Variants in RUVBL1 observed in about 807,000 individuals in gnomAD.
RUVBL1 encodes ruvB-like 1.
In RUVBL1, 4 loss-of-function variants were observed where a neutral mutation model predicts 52.4. The ratio of observed to expected loss-of-function variants is 0.08; its 90% CI spans 0.04 to 0.17. The LOEUF (loss-of-function observed/expected upper bound fraction) is 0.17, where lower values mean the gene tolerates loss of function less well. Among genes scored for constraint, RUVBL1 ranks in the 10% least tolerant of loss-of-function variants. RUVBL1 has a pLI of 1.00. For missense variants in RUVBL1, 298 were observed against 572.8 expected (o/e 0.52, Z 4.90); for synonymous variants, 217 against 214.4 (o/e 1.01, Z -0.10).
intron 9 of RUVBL1, among the ~76,000 whole-genome samples, chr3:128,073,575 G>A (rs1186195286): frequency 6.6e-6 from 1 of 152,212 alleles, no homozygotes; most frequent in Non-Finnish European, 1.5e-5. Context: ...AGAGCCAGGT[G>A]TGCCCCTAAG....
At chr3:128,068,312 G>T (rs141028245) in intron 9 of RUVBL1, among the ~76,000 whole-genome samples, 1 of 152,264 alleles carries the variant, frequency 6.6e-6, no homozygotes, top group African/African-American at 2.4e-5. Context: ...GTGGCCAGGC[G>T]GATAGGAGAC....
intron 1 of RUVBL1, chr3:128,141,740 C>CCCG (rs1379695337): frequency 5.9e-5 from 9 of 152,392 alleles, no homozygotes; most frequent in Non-Finnish European, 1.2e-4. Flanking sequence ...AGGTGATCCA[C>CCCG]CCGCCTCGGC....
At position 128,151,122 on chromosome 3, in the gene RUVBL1, A is replaced by ATATATATTCTATATATATTC. The variant is rs1436189800; in HGVS notation, c.-40+2061_-40+2080dup. 7.5e-5 allele frequency among the ~76,000 whole-genome samples: 9 copies of ATATATATTCTATATATATTC among 119,838 alleles called. No individual in the cohort carries two copies. The East Asian group carries it at 1.3e-3, about 18-fold the overall frequency. 78.6% of individuals were successfully genotyped at this position (119,838 alleles called of 152,430 possible). ...TCTATATATATTCTGTATATATTCT[A>ATATATATTCTATATATATTC]TATATATTCTATATATATTCTATAT... On this transcript the variant is annotated intron_variant, in intron 1 of 9. Transcript: ENST00000464873.
Position 128,150,764 on chromosome 3 carries a change from CTA to C in RUVBL1, c.-40+2437_-40+2438del, listed in dbSNP as rs1345016876. Among the ~76,000 whole-genome samples, 478 of 95,030 alleles carry C rather than the reference CTA, an allele frequency of 5.0e-3. 17 individuals carry two copies. Among genetic ancestry groups the C allele is most frequent in the African/African-American group, 0.019 (430 of 22,634 alleles). The allele number at this position is 95,030 out of a possible 152,430, so 62.3% of individuals were successfully genotyped here. On this transcript the variant is annotated intron_variant, in intron 1 of 9. Coordinates refer to the RUVBL1 transcript ENST00000464873. ...CTATATTATATATTCTCTATATATT[CTA>C]TATATTATATATTCTATATATATTC...
intron 1 of RUVBL1, among the ~76,000 whole-genome samples, chr3:128,138,450 C>T (rs1248339253): frequency 6.6e-6 from 1 of 151,906 alleles, no homozygotes; most frequent in Admixed American, 6.6e-5. Flanking sequence ...CAAGAAAATC[C>T]CATTTGCAAT....
At chr3:128,141,342 T>G (rs1944018485) in intron 1 of RUVBL1, among the ~76,000 whole-genome samples, 1 of 152,222 alleles carries the variant, frequency 6.6e-6, no homozygotes, top group Non-Finnish European at 1.5e-5. Flanking sequence ...AAGTTACCTC[T>G]CATTCCCCTC....
Position 128,123,568 on chromosome 3 carries a change from G to C in RUVBL1, c.141+16C>G. The C allele has an allele frequency of 6.3e-7, 1 of 1,588,246 alleles. No individual in the cohort carries two copies. On this transcript the variant is annotated intron_variant, in intron 1 of 10. Coordinates refer to ENST00000322623, the MANE Select transcript of RUVBL1 (RefSeq NM_003707.3). Reference sequence around the variant, plus strand: ...CCCTGCTTGCAGCCCCCAACTCCCTGGTCCACTGGCCACACCTCTCGCGCG... The same window carrying C: ...CCCTGCTTGCAGCCCCCAACTCCCTCGTCCACTGGCCACACCTCTCGCGCG...
At chr3:128,101,436 A>G (rs971191185) in intron 5 of RUVBL1, 123 bp downstream of exon 5, 5 of 839,362 alleles carry the variant, frequency 6.0e-6, no homozygotes, top group East Asian at 4.9e-5. Flanking sequence ...CATCAGCCTC[A>G]TAACAGACAC....
chr3:128,148,456 G>C (rs1944136606), intron 1 of RUVBL1, among the ~76,000 whole-genome samples: 1 of 152,156 alleles, frequency 6.6e-6, no homozygotes, highest in Non-Finnish European at 1.5e-5. Flanking sequence ...GGAGTGGAGG[G>C]TAAAACCAGA....
At chr3:128,151,902 T>C (rs1440677774) in intron 1 of RUVBL1, among the ~76,000 whole-genome samples, 3 of 152,166 alleles carry the variant, frequency 2.0e-5, no homozygotes, top group African/African-American at 7.2e-5. Context: ...GTGAACTTTG[T>C]GCTCCACCGC....
At chr3:128,085,197 T>A (rs1213000329) in intron 9 of RUVBL1, 2 of 152,272 alleles carry the variant, frequency 1.3e-5, no homozygotes, top group Admixed American at 1.3e-4. Flanking sequence ...GGAGGGCCCG[T>A]TATTGCCAAT....
At chr3:128,065,118 G>C in exon 10 of RUVBL1, 1 of 1,402,298 alleles carries the variant, frequency 7.1e-7, no homozygotes, top group African/African-American at 1.4e-5. Context: ...CCCCCACTCT[G>C]TGGGGTGCAC....
chr3:128,151,638 T>C (rs559540307), intron 1 of RUVBL1, among the ~76,000 whole-genome samples: 1 of 152,186 alleles, frequency 6.6e-6, no homozygotes, highest in South Asian at 2.1e-4. Flanking sequence ...TTCTGTTCTC[T>C]TCTTGTAAGG....
At chr3:128,090,658 T>C (rs2107679678) in intron 8 of RUVBL1, among the ~76,000 whole-genome samples, 1 of 152,376 alleles carries the variant, frequency 6.6e-6, no homozygotes, top group South Asian at 2.1e-4. Flanking sequence ...ATTATAAAGA[T>C]GAAATTCTAT....
chr3:128,153,871 C>T, exon 1 of RUVBL1: 2 of 1,449,120 alleles, frequency 1.4e-6, no homozygotes, highest in Non-Finnish European at 1.8e-6. Context: ...GCGGGCGGAG[C>T]GACCGGGCCC....
chr3:128,127,871 C>A (rs1011766610), upstream of RUVBL1, among the ~76,000 whole-genome samples: 2 of 152,158 alleles, frequency 1.3e-5, no homozygotes, highest in East Asian at 3.9e-4. Flanking sequence ...GCAGCACACA[C>A]CTGTAGTCCC....
At chr3:128,132,719 G>T (rs1246718449) in intron 1 of RUVBL1, among the ~76,000 whole-genome samples, 1 of 152,132 alleles carries the variant, frequency 6.6e-6, no homozygotes, top group Admixed American at 6.5e-5. Context: ...AGAGTGCATG[G>T]GCCTTGAATA....
chr3:128,089,405 G>A (rs2107677979), intron 8 of RUVBL1, among the ~76,000 whole-genome samples: 1 of 152,326 alleles, frequency 6.6e-6, no homozygotes, highest in African/African-American at 2.4e-5. Context: ...CTACACTTCT[G>A]GCATTCTTAA....
intron 9 of RUVBL1, among the ~76,000 whole-genome samples, chr3:128,075,624 G>T (rs997173270): frequency 6.6e-6 from 1 of 151,976 alleles, no homozygotes; most frequent in African/African-American, 2.4e-5. Flanking sequence ...TTCCCAAGTC[G>T]TGCTGGGTGT....
Sources: allele counts gnomAD v4.1 joint callset (sites outside exome capture counted in the v4.1 genomes callset), GRCh38; gene constraint gnomAD v4.1.1; transcripts MANE v1.5; gene names NCBI Gene and HGNC (gene_info 2026-07-23, HGNC 2026-07-21).